Variants in KHK observed in about 807,000 individuals in gnomAD.
KHK encodes ketohexokinase.
Under a neutral mutation model 36.0 loss-of-function variants are expected in KHK, and 37 were observed. The observed-to-expected ratio is 1.03, with a 90% CI of 0.79 to 1.35. The LOEUF (loss-of-function observed/expected upper bound fraction) is 1.35. Among genes scored for constraint, KHK ranks in the 40% most tolerant of loss-of-function variants. The pLI is 0.00. For synonymous variants in KHK, 161 were observed against 162.8 expected, an observed-to-expected ratio of 0.99 and a Z score of 0.08; for missense variants, 395 against 391.9, an observed-to-expected ratio of 1.01 and a Z score of -0.07.
Position 27,092,274 on chromosome 2 carries a change from G to A in KHK, c.93-58G>A, listed in dbSNP as rs1008056272. 2.3e-6 allele frequency: 3 copies of A among 1,301,386 alleles called. No homozygotes were observed. The Admixed American group carries it at 5.0e-5, about 22-fold the overall frequency. The allele number at this position is 1,301,386 out of a possible 1,614,324, so 80.6% of individuals were successfully genotyped here. A position where few individuals can be genotyped will look rare whatever the true frequency, so the allele number is the denominator to read the frequency against. On this transcript the variant is annotated intron_variant, in intron 1 of 7. Transcript: ENST00000260598. ...TTACATTCTGTAGGCCCCTATACAG[G>A]AGACTGTGCTTGGGATCAGCCTGCT...
rs2304681 is a variant in KHK at position 27,092,384 on chromosome 2, G to C, written c.145G>C (p.Val49Leu). The change falls in exon 2 of 8, where the codon GTT (valine) becomes CTT (leucine). Residue 49 changes from valine to leucine, a missense_variant. Physicochemically the swap from Val to Leu is conservative, Grantham distance 32. Transcript: ENST00000260598. ...AGGCAACGCGTCCAACTCCTGCACC[G>C]TTCTCTCCCTGCTCGGAGCCCCCTG... ...RGGNASNSCT[V>L]LSLLGAPCAF... 1 of 1,613,356 alleles carries C rather than the reference G, an allele frequency of 6.2e-7. No individual in the cohort carries two copies. The highest frequency in any genetic ancestry group is 8.5e-7 in the Non-Finnish European group (1 of 1,179,938).
chr2:27,095,052 G>GCT (rs1371565918), intron 3 of KHK, 118 bp downstream of exon 3: 1 of 1,207,232 alleles, frequency 8.3e-7, no homozygotes, highest in East Asian at 2.3e-5. Flanking sequence ...TGTACCAGAA[G>GCT]TTGCTCCCCT....
intron 2 of KHK, 58 bp downstream of exon 2, chr2:27,092,506 G>T: frequency 7.8e-7 from 1 of 1,277,258 alleles, no homozygotes. Context: ...TGTGGGAGAA[G>T]AAGGATGTAT....
Position 27,099,272 on chromosome 2 carries a change from G to T in KHK, c.641G>T (p.Arg214Leu), listed in dbSNP as rs61735561. ...AEEALRGLYG[R>L]VRKGAVLVCA... is the part of the protein sequence containing the mutation. ...GAAGCCTTGAGGGGCTTGTATGGTC[G>T]TGTGAGGAAAGGGTGAGCCGGGGAA... The change falls in exon 6 of 8, where the codon CGT (arginine) becomes CTT (leucine). Residue 214 changes from arginine to leucine, a missense_variant. Transcript: ENST00000260598. 1 of 1,614,032 alleles carries T rather than the reference G, an allele frequency of 6.2e-7. No homozygotes were observed. The highest frequency in any genetic ancestry group is 8.5e-7 in the Non-Finnish European group (1 of 1,180,028).
chr2:27,087,209 C>T lies in KHK; in HGVS notation c.-51C>T. Reference sequence around the variant, plus strand: ...CATCCTCCTGGATAAGAGGCAGAGGCCGGGAGGAACCCCGTCAGCCGGGCG... The same window carrying T: ...CATCCTCCTGGATAAGAGGCAGAGGTCGGGAGGAACCCCGTCAGCCGGGCG... On this transcript the variant is annotated 5_prime_UTR_variant, in exon 1 of 8. Transcript: ENST00000260598. 6.8e-7 allele frequency: 1 copy of T among 1,475,960 alleles called. No individual in the cohort carries two copies. Among genetic ancestry groups the T allele is most frequent in the East Asian group, 2.5e-5 (1 of 40,662 alleles). 91.4% of individuals were successfully genotyped at this position (1,475,960 alleles called of 1,614,324 possible).
At position 27,087,223 on chromosome 2, in the gene KHK, G is replaced by T. The variant is rs1669708998; in HGVS notation, c.-37G>T. The T allele has an allele frequency of 2.0e-6, 3 of 1,537,750 alleles. No individual in the cohort carries two copies. The highest frequency in any genetic ancestry group is 1.7e-4 in the Middle Eastern group (1 of 5,926). On this transcript the variant is annotated 5_prime_UTR_variant, in exon 1 of 8. Coordinates refer to ENST00000260598, the MANE Select transcript of KHK (RefSeq NM_006488.3). ...AGAGGCAGAGGCCGGGAGGAACCCC[G>T]TCAGCCGGGCGGGCAGGAAGCTCTG...
intron 2 of KHK, among the ~76,000 whole-genome samples, chr2:27,093,292 A>G (rs1422287781): frequency 6.6e-6 from 1 of 152,164 alleles, no homozygotes; most frequent in Non-Finnish European, 1.5e-5. Flanking sequence ...CTGCCCTGTG[A>G]GATGGGACAG....
chr2:27,087,232 G>A lies in KHK; in HGVS notation c.-28G>A. 2 of 1,554,796 alleles carry A rather than the reference G, an allele frequency of 1.3e-6. No individual in the cohort carries two copies. The highest frequency in any genetic ancestry group is 1.2e-5 in the South Asian group (1 of 84,764). On this transcript the variant is annotated 5_prime_UTR_variant, in exon 1 of 8. Transcript: ENST00000260598. ...GGCCGGGAGGAACCCCGTCAGCCGG[G>A]CGGGCAGGAAGCTCTGGGAGTAGCC...
chr2:27,094,233 C>A, intron 2 of KHK: 1 of 570,984 alleles, frequency 1.8e-6, no homozygotes, highest in Non-Finnish European at 3.2e-6. Context: ...AGGATCGGAG[C>A]ATGCTTCAGC....
chr2:27,090,426 G>A (rs1297371384), intron 1 of KHK, among the ~76,000 whole-genome samples: 1 of 145,516 alleles, frequency 6.9e-6, no homozygotes, highest in Non-Finnish European at 1.5e-5. Flanking sequence ...AGCTCAGCTT[G>A]AAAATCTTTT....
chr2:27,097,214 TG>T (rs760588432), intron 4 of KHK, among the ~76,000 whole-genome samples: 3 of 152,196 alleles, frequency 2.0e-5, no homozygotes, highest in Non-Finnish European at 4.4e-5. Context: ...GGAGTCTGGG[TG>T]GAAGGAAATC....
At chr2:27,090,689 G>A (rs1246783177) in intron 1 of KHK, among the ~76,000 whole-genome samples, 8 of 151,442 alleles carry the variant, frequency 5.3e-5, no homozygotes, top group East Asian at 2.0e-4. Flanking sequence ...TCCTGACCTC[G>A]TGATCCACCC....
chr2:27,097,031 G>GCTTT (rs1374356720), intron 4 of KHK, among the ~76,000 whole-genome samples: 1 of 152,204 alleles, frequency 6.6e-6, no homozygotes, highest in Non-Finnish European at 1.5e-5. Context: ...CTGGCTCCAG[G>GCTTT]CAAAGTCCTG....
chr2:27,088,154 G>C (rs1205128807), intron 1 of KHK: 1 of 141,958 alleles, frequency 7.0e-6, no homozygotes, highest in African/African-American at 2.8e-5. Flanking sequence ...TGTCGTCCAG[G>C]CTGGAGTGCA....
intron 2 of KHK, chr2:27,094,572 A>G (rs1462401988): frequency 1.2e-5 from 20 of 1,613,976 alleles, no homozygotes; most frequent in Middle Eastern, 1.6e-4. Flanking sequence ...GTCATCATCA[A>G]CGAGGCCAGT....
chr2:27,092,282 G>A (rs1268524303), intron 1 of KHK, 50 bp from the exon 2 acceptor site: 5 of 1,401,758 alleles, frequency 3.6e-6, no homozygotes, highest in Non-Finnish European at 5.0e-6. Context: ...AGGAGACTGT[G>A]CTTGGGATCA....
chr2:27,092,237 A>G, intron 1 of KHK, 95 bp from the exon 2 acceptor site: 1 of 962,138 alleles, frequency 1.0e-6, no homozygotes, highest in Non-Finnish European at 1.7e-6. Flanking sequence ...TTCTGAGAGG[A>G]GTCCCCAGCT....
rs1340649816 is a variant in KHK, at chr2:27,100,011, C to T, written c.*261C>T. On this transcript the variant is annotated 3_prime_UTR_variant, in exon 8 of 8. Transcript: ENST00000260598. ...TCTGAACTGCTCTGGCTGGGCATTC[C>T]TGAGGCTCTGACTCTTCGATCCTCC... The T allele has an allele frequency of 1.4e-6, 1 of 711,482 alleles. No homozygotes were observed. The highest frequency in any genetic ancestry group is 1.7e-5 in the South Asian group (1 of 58,310). The allele number at this position is 711,482 out of a possible 1,614,324, so 44.1% of individuals were successfully genotyped here.
intron 1 of KHK, among the ~76,000 whole-genome samples, chr2:27,087,732 C>T (rs1485605156): frequency 2.0e-5 from 3 of 152,260 alleles, no homozygotes; most frequent in Non-Finnish European, 4.4e-5. Flanking sequence ...CAAGCCTATG[C>T]ACTTGCCTCT....
Sources: allele counts gnomAD v4.1 joint callset (sites outside exome capture counted in the v4.1 genomes callset), GRCh38; gene constraint gnomAD v4.1.1; transcripts MANE v1.5; gene names NCBI Gene and HGNC (gene_info 2026-07-23, HGNC 2026-07-21).